Variants in HPSE2 observed in about 807,000 individuals in gnomAD.
HPSE2 encodes inactive heparanase-2.
A neutral mutation model predicts 60.5 loss-of-function variants in HPSE2; 38 were observed. The ratio of observed to expected loss-of-function variants is 0.63; its 90% CI spans 0.48 to 0.82. The LOEUF is 0.82. HPSE2 is among the 40% of genes least tolerant of loss of function. The pLI is 0.00. For missense variants in HPSE2, 713 were observed against 740.4 expected (o/e 0.96, Z 0.43); for synonymous variants, 295 against 293.2 (o/e 1.01, Z -0.06).
intron 9 of HPSE2, among the ~76,000 whole-genome samples, chr10:98,512,798 C>T (rs1942456611): frequency 7.4e-6 from 1 of 135,878 alleles, no homozygotes; most frequent in African/African-American, 2.7e-5. Flanking sequence ...AGACCCATTC[C>T]ACTCCCACCC....
rs781465775 is a variant in HPSE2 at position 99,235,540 on chromosome 10, A to G, written c.263T>C (p.Ile88Thr). The G allele has an allele frequency of 2.5e-6, 4 of 1,614,024 alleles. No individual in the cohort carries two copies. Among genetic ancestry groups the G allele is most frequent in the Non-Finnish European group, 3.4e-6 (4 of 1,180,036 alleles). Residue 88 changes from isoleucine (I) to threonine (T), a missense_variant, in exon 1 of 12, where the codon ATT becomes ACT. Transcript: ENST00000370552. ...TAGGAAATCGAGCCAGCCATCATGA[A>G]TGATGGACGGATCCAGCTGCAGAGA... ...FLSLQLDPSI[I>T]HDGWLDFLSS...
chr10:99,051,210 G>A (rs908719702), intron 3 of HPSE2, among the ~76,000 whole-genome samples: 2 of 152,140 alleles, frequency 1.3e-5, no homozygotes, highest in African/African-American at 2.4e-5. Context: ...ATGAACCCAG[G>A]AGGCAGTGAT....
At chr10:98,547,819 A>G (rs76894144) in intron 9 of HPSE2, among the ~76,000 whole-genome samples, 18 of 151,960 alleles carry the variant, frequency 1.2e-4, no homozygotes, top group Non-Finnish European at 2.5e-4. Context: ...AATAAAAAAA[A>G]GAATAGAACA....
intron 9 of HPSE2, among the ~76,000 whole-genome samples, chr10:98,612,547 C>A (rs1003785191): frequency 3.9e-5 from 6 of 152,076 alleles, no homozygotes; most frequent in African/African-American, 1.2e-4. Context: ...TGGTTCCCCA[C>A]AGTGGCCTAT....
At chr10:98,960,271 T>C (rs1338546953) in intron 3 of HPSE2, among the ~76,000 whole-genome samples, 17 of 152,160 alleles carry the variant, frequency 1.1e-4, no homozygotes, top group Admixed American at 1.1e-3. Context: ...TTAAGAGTTC[T>C]TGTTACAAAG....
At chr10:99,031,150 T>C (rs1355413290) in intron 3 of HPSE2, among the ~76,000 whole-genome samples, 1 of 152,170 alleles carries the variant, frequency 6.6e-6, no homozygotes, top group Non-Finnish European at 1.5e-5. Context: ...AATAGGATTG[T>C]TTGTAACACA....
At chr10:98,536,584 G>A (rs1383843524) in intron 9 of HPSE2, among the ~76,000 whole-genome samples, 1 of 152,194 alleles carries the variant, frequency 6.6e-6, no homozygotes, top group African/African-American at 2.4e-5. Context: ...GCCATCTAAG[G>A]CCAAGGGAAA....
chr10:98,926,630 C>T (rs1054623656), intron 3 of HPSE2, among the ~76,000 whole-genome samples: 3 of 152,106 alleles, frequency 2.0e-5, no homozygotes, highest in Non-Finnish European at 4.4e-5. Flanking sequence ...GAAAACAATG[C>T]TCAAATATCA....
intron 3 of HPSE2, among the ~76,000 whole-genome samples, chr10:99,004,307 T>A (rs1956844605): frequency 6.6e-6 from 1 of 151,890 alleles, no homozygotes. Context: ...TTGTTTTGTT[T>A]TGTTTTGTTT....
chr10:98,514,215 C>T (rs1942514970), intron 9 of HPSE2, among the ~76,000 whole-genome samples: 1 of 151,848 alleles, frequency 6.6e-6, no homozygotes, highest in South Asian at 2.1e-4. Flanking sequence ...TATGAATGAT[C>T]TAGAATAGGT....
At chr10:98,605,481 T>C (rs1361673749) in intron 9 of HPSE2, among the ~76,000 whole-genome samples, 1 of 152,170 alleles carries the variant, frequency 6.6e-6, no homozygotes, top group Non-Finnish European at 1.5e-5. Flanking sequence ...GTAAAGATAC[T>C]AAAAAACGGA....
rs563678625 is a variant in HPSE2 at position 98,861,541 on chromosome 10, T to C, written c.611-117485A>G. Among the ~76,000 whole-genome samples the C allele has an allele frequency of 2.6e-5, 4 of 152,296 alleles. No individual in the cohort carries two copies. In the South Asian group the frequency reaches 6.2e-4, roughly 24 times the overall value. ...AATTTGGCTTGAAAACTATACCGAA[T>C]GCATGTTAATTCAGTAACACATTTT... On this transcript the variant is annotated intron_variant, in intron 3 of 11. Transcript: ENST00000370552.
At chr10:99,203,769 T>A (rs955085463) in intron 2 of HPSE2, among the ~76,000 whole-genome samples, 2 of 151,438 alleles carry the variant, frequency 1.3e-5, no homozygotes, top group Non-Finnish European at 2.9e-5. Flanking sequence ...GAAGTTCTCA[T>A]GGCCCCAGGC....
At chr10:98,905,386 C>T (rs1452138722) in intron 3 of HPSE2, among the ~76,000 whole-genome samples, 1 of 151,602 alleles carries the variant, frequency 6.6e-6, no homozygotes, top group African/African-American at 2.4e-5. Flanking sequence ...GTTCAATTCC[C>T]ACCCATGAGT....
At chr10:98,983,672 C>T (rs769149151) in intron 3 of HPSE2, among the ~76,000 whole-genome samples, 30 of 152,286 alleles carry the variant, frequency 2.0e-4, no homozygotes, top group Non-Finnish European at 1.8e-4. Flanking sequence ...CAAACTTCGG[C>T]GTGAGCCAAA....
chr10:99,156,032 C>G (rs1180033867), intron 2 of HPSE2, among the ~76,000 whole-genome samples: 40 of 150,348 alleles, frequency 2.7e-4, no homozygotes, highest in Non-Finnish European at 5.5e-4. Flanking sequence ...CACATACACT[C>G]TCCCAAGACT....
chr10:98,756,054 A>T (rs1258458807), intron 3 of HPSE2, among the ~76,000 whole-genome samples: 1 of 152,208 alleles, frequency 6.6e-6, no homozygotes, highest in Non-Finnish European at 1.5e-5. Context: ...ATGGAAATTA[A>T]ACAACCTGTT....
chr10:98,859,627 C>A (rs1952405824), intron 3 of HPSE2, among the ~76,000 whole-genome samples: 1 of 152,148 alleles, frequency 6.6e-6, no homozygotes, highest in African/African-American at 2.4e-5. Flanking sequence ...CTTAGACCAA[C>A]CCTCTTCTCC....
chr10:98,725,468 C>T (rs1321380772), intron 4 of HPSE2, among the ~76,000 whole-genome samples: 2 of 152,156 alleles, frequency 1.3e-5, no homozygotes, highest in East Asian at 1.9e-4. Flanking sequence ...CCCTTCCTTA[C>T]ACCTTATACA....
Sources: gnomAD v4.1 joint callset for allele counts (sites outside exome capture counted in the v4.1 genomes callset) on GRCh38, gnomAD v4.1.1 for gene constraint, MANE v1.5 for transcripts, NCBI Gene and HGNC (gene_info 2026-07-23, HGNC 2026-07-21) for gene names.